LSM14A: variants seen among roughly 807,000 people sequenced by gnomAD.
The protein encoded by LSM14A is protein LSM14 homolog A.
Under a neutral mutation model 52.4 loss-of-function variants are expected in LSM14A, and 14 were observed. The ratio of observed to expected loss-of-function variants is 0.27; its 90% confidence interval spans 0.18 to 0.42. The LOEUF (loss-of-function observed/expected upper bound fraction) is 0.42, where lower values mean the gene tolerates loss of function less well. LSM14A is among the 10% of genes least tolerant of loss of function. The pLI, the probability that LSM14A is intolerant of heterozygous loss-of-function variation, is 1.00. For missense variants in LSM14A, 417 were observed against 581.8 expected (o/e 0.72, Z 2.91); for synonymous variants, 185 against 200.3 (o/e 0.92, Z 0.64).
intron 1 of LSM14A, among the ~76,000 whole-genome samples, chr19:34,192,316 GTTGTTTTT>G (rs796686484): frequency 0.14 from 9,369 of 65,568 alleles, 544 homozygotes; most frequent in South Asian, 0.29. Context: ...CATTCTTTTT[GTTGTTTTT>G]TTTTTTTTTT....
At chr19:34,219,079 A>G (rs532228210) in intron 6 of LSM14A, among the ~76,000 whole-genome samples, 233 of 152,328 alleles carry the variant, frequency 1.5e-3, no homozygotes, top group African/African-American at 5.2e-3. Context: ...CTCAAGGAGC[A>G]TACATTAATT....
chr19:34,219,921 A>G (rs759763905), intron 8 of LSM14A, 44 bp downstream of exon 8: 3 of 1,405,286 alleles, frequency 2.1e-6, no homozygotes, highest in Non-Finnish European at 3.0e-6. Flanking sequence ...TATTGATTGA[A>G]GTGTAAAATG....
chr19:34,222,085 A>T (rs1206880267), intron 9 of LSM14A, among the ~76,000 whole-genome samples: 1 of 152,160 alleles, frequency 6.6e-6, no homozygotes, highest in Admixed American at 6.5e-5. Flanking sequence ...TGTTTTAAAT[A>T]TTTTTTTACA....
intron 4 of LSM14A, among the ~76,000 whole-genome samples, chr19:34,214,802 C>T (rs993393654): frequency 4.0e-5 from 6 of 148,312 alleles, no homozygotes; most frequent in East Asian, 1.9e-4. Flanking sequence ...TAGGGAATCT[C>T]GTACCTGGCA....
intron 1 of LSM14A, among the ~76,000 whole-genome samples, chr19:34,193,770 C>T (rs1228812029): frequency 3.3e-5 from 5 of 152,060 alleles, no homozygotes; most frequent in Admixed American, 1.3e-4. Flanking sequence ...AGGTCAATAC[C>T]CAAACTTTGA....
chr19:34,198,233 G>A (rs3097338), intron 3 of LSM14A, among the ~76,000 whole-genome samples: 89,520 of 151,996 alleles, frequency 0.59, 27,128 homozygotes, highest in African/African-American at 0.67. Flanking sequence ...ATTCCTTCCT[G>A]TGAATATACT....
intron 9 of LSM14A, among the ~76,000 whole-genome samples, chr19:34,225,481 C>T (rs1286702347): frequency 6.6e-6 from 1 of 152,184 alleles, no homozygotes; most frequent in Non-Finnish European, 1.5e-5. Context: ...CTGCAGCCTT[C>T]ATGAAATGAG....
chr19:34,207,136 A>G (rs2071758726), intron 3 of LSM14A, among the ~76,000 whole-genome samples: 1 of 152,232 alleles, frequency 6.6e-6, no homozygotes, highest in African/African-American at 2.4e-5. Context: ...TAGATTATAG[A>G]CATAAATTGG....
intron 4 of LSM14A, among the ~76,000 whole-genome samples, chr19:34,214,337 G>C (rs2072413541): frequency 6.7e-6 from 1 of 148,200 alleles, no homozygotes; most frequent in Non-Finnish European, 1.5e-5. Flanking sequence ...TATGAGACAG[G>C]GCCTTGCTCT....
intron 1 of LSM14A, among the ~76,000 whole-genome samples, chr19:34,187,350 C>A (rs969641807): frequency 6.6e-6 from 1 of 151,160 alleles, no homozygotes; most frequent in Non-Finnish European, 1.5e-5. Flanking sequence ...GTGATCATAA[C>A]TCACTGCAAC....
At chr19:34,199,277 A>G (rs2071114032) in intron 3 of LSM14A, among the ~76,000 whole-genome samples, 1 of 151,894 alleles carries the variant, frequency 6.6e-6, no homozygotes, top group Non-Finnish European at 1.5e-5. Flanking sequence ...GGCATGCACC[A>G]CCACTCCCGG....
At chr19:34,209,844 CTT>C (rs34313988) in intron 4 of LSM14A, among the ~76,000 whole-genome samples, 16 of 140,304 alleles carry the variant, frequency 1.1e-4, no homozygotes, top group Admixed American at 2.9e-4. Flanking sequence ...TTGGGCCTGG[CTT>C]TTTTTTTTTT....
intron 3 of LSM14A, among the ~76,000 whole-genome samples, chr19:34,197,067 C>G (rs2070894741): frequency 6.6e-6 from 1 of 151,670 alleles, no homozygotes; most frequent in Non-Finnish European, 1.5e-5. Flanking sequence ...TATCCAATAT[C>G]TACCAAATCT....
chr19:34,192,632 C>CAAAAAAAAAAAAAAAAAAAAAAAAAA (rs548374017), intron 1 of LSM14A, among the ~76,000 whole-genome samples: 1 of 76,952 alleles, frequency 1.3e-5, no homozygotes, highest in African/African-American at 5.0e-5. Flanking sequence ...ATCAGTTCTG[C>CAAAAAAAAAAAAAAAAAAAAAAAAAA]AAAAAAAAAA....
At chr19:34,224,519 C>T (rs2073240882) in intron 9 of LSM14A, among the ~76,000 whole-genome samples, 2 of 152,192 alleles carry the variant, frequency 1.3e-5, no homozygotes, top group Non-Finnish European at 2.9e-5. Flanking sequence ...TGTCTACGCT[C>T]CTGTATCCTT....
intron 1 of LSM14A, among the ~76,000 whole-genome samples, chr19:34,181,309 G>GA (rs1483933791): frequency 6.6e-6 from 1 of 152,086 alleles, no homozygotes; most frequent in East Asian, 1.9e-4. Flanking sequence ...TACTTGAACT[G>GA]AATTTCCTCT....
intron 4 of LSM14A, 93 bp from the exon 5 acceptor site, chr19:34,215,031 G>A: frequency 1.0e-6 from 1 of 974,232 alleles, no homozygotes; most frequent in East Asian, 2.5e-5. Flanking sequence ...GGTTTGAATT[G>A]ATAGAAATAA....
Position 34,227,533 on chromosome 19 carries a change from G to A in LSM14A, c.*145G>A, listed in dbSNP as rs1275461850. On this transcript the variant is annotated 3_prime_UTR_variant, in exon 10 of 10. Coordinates refer to ENST00000544216, the MANE Select transcript of LSM14A (RefSeq NM_015578.4). The stretch of plus-strand genomic sequence containing the variant: ...GTTTTTGTTTTTTGTTTGTTTTTCC[G>A]CTTAATTTCAAAGATAAAATGCAGT... 17 of 604,928 alleles carry A rather than the reference G, an allele frequency of 2.8e-5. No homozygotes were observed. Among genetic ancestry groups the A allele is most frequent in the Admixed American group, 7.3e-5 (2 of 27,244 alleles). 37.5% of individuals were successfully genotyped at this position (604,928 alleles called of 1,614,324 possible).
At chr19:34,219,651 T>C in intron 7 of LSM14A, 55 bp from the exon 8 acceptor site, 2 of 1,576,120 alleles carry the variant, frequency 1.3e-6, no homozygotes, top group Non-Finnish European at 1.7e-6. Flanking sequence ...TTAGGTGTTT[T>C]TATGTAATTC....
Sources: allele counts gnomAD v4.1 joint callset (sites outside exome capture counted in the v4.1 genomes callset), GRCh38; gene constraint gnomAD v4.1.1; transcripts MANE v1.5; gene names NCBI Gene and HGNC (gene_info 2026-07-23, HGNC 2026-07-21).